The following ANGPT2 variants were observed in gnomAD, a reference collection of about 807,000 sequenced individuals.
ANGPT2 encodes the protein angiopoietin-2.
In ANGPT2, 28 loss-of-function variants were observed where a neutral mutation model predicts 62.9. The observed-to-expected ratio is 0.44, with a 90% CI of 0.33 to 0.61. The LOEUF is 0.61. Among genes scored for constraint, ANGPT2 ranks in the 20% least tolerant of loss-of-function variants. The pLI is 0.03. For synonymous variants in ANGPT2, 284 were observed against 207.8 expected, an observed-to-expected ratio of 1.37 and a Z score of -3.15; for missense variants, 727 against 594.9, an observed-to-expected ratio of 1.22 and a Z score of -2.31.
At chr8:6,518,727 G>A (rs1261696255) in intron 5 of ANGPT2, among the ~76,000 whole-genome samples, 1 of 152,102 alleles carries the variant, frequency 6.6e-6, no homozygotes, top group African/African-American at 2.4e-5. Context: ...TGTATTCTCT[G>A]TAGTTATTTG....
Position 6,502,363 on chromosome 8 carries a change from G to T in ANGPT2, c.*738C>A, listed in dbSNP as rs952404473. ...TTTAACAATCAGGCAGAAAAAAATAGTACGGTCTGCATATAAACTAAAATG... is the reference window on the plus strand; with the variant it reads ...TTTAACAATCAGGCAGAAAAAAATATTACGGTCTGCATATAAACTAAAATG... On this transcript the variant is annotated 3_prime_UTR_variant, in exon 9 of 9. Coordinates refer to ENST00000629816, the MANE Select transcript of ANGPT2 (RefSeq NM_001118887.2). 15 of 152,120 alleles carry T rather than the reference G, an allele frequency of 9.9e-5. No homozygotes were observed. The highest frequency in any genetic ancestry group is 3.8e-4 in the East Asian group (2 of 5,204). 9.4% of individuals were successfully genotyped at this position (152,120 alleles called of 1,614,324 possible). A position where few individuals can be genotyped will look rare whatever the true frequency, so the allele number is the denominator to read the frequency against.
intron 4 of ANGPT2, among the ~76,000 whole-genome samples, chr8:6,520,196 G>T (rs1172500646): frequency 1.3e-5 from 2 of 151,972 alleles, no homozygotes; most frequent in East Asian, 1.9e-4. Flanking sequence ...CTTACTTTTT[G>T]GTCATTAATT....
intron 2 of ANGPT2, among the ~76,000 whole-genome samples, chr8:6,529,882 G>GTTT (rs3045055): frequency 6.3e-4 from 93 of 148,712 alleles, no homozygotes; most frequent in Middle Eastern, 3.4e-3. Context: ...CACAATAGGC[G>GTTT]TTTTTTTTTT....
At chr8:6,527,738 C>A in intron 2 of ANGPT2, 62 bp from the exon 3 acceptor site, 2 of 1,446,550 alleles carry the variant, frequency 1.4e-6, no homozygotes, top group African/African-American at 1.4e-5. Context: ...TTTCTAACTT[C>A]CTTTTCATTA....
At chr8:6,519,719 C>T (rs1000299448) in intron 5 of ANGPT2, 145 bp downstream of exon 5, 16 of 966,162 alleles carry the variant, frequency 1.7e-5, no homozygotes, top group African/African-American at 1.3e-4. Flanking sequence ...GCACTCTAGG[C>T]GAGGTAGCTG....
Position 6,519,859 on chromosome 8 carries a change from C to A in ANGPT2, c.927+5G>T. ...GGAGTTAGTAAGGGGAGACGAATACCTCACCTTGATCTCTTCTGTAGAATT... is the reference window on the plus strand; with the variant it reads ...GGAGTTAGTAAGGGGAGACGAATACATCACCTTGATCTCTTCTGTAGAATT... On this transcript the variant is annotated splice_donor_5th_base_variant and intron_variant, in intron 5 of 8. Coordinates refer to ENST00000629816, the MANE Select transcript of ANGPT2 (RefSeq NM_001118887.2). The A allele has an allele frequency of 1.2e-6, 2 of 1,613,556 alleles. No individual in the cohort carries two copies. Among genetic ancestry groups the A allele is most frequent in the Non-Finnish European group, 8.5e-7 (1 of 1,179,696 alleles).
At chr8:6,506,951 G>A (rs763251482) in intron 8 of ANGPT2, among the ~76,000 whole-genome samples, 44 of 151,460 alleles carry the variant, frequency 2.9e-4, no homozygotes, top group Non-Finnish European at 5.3e-4. Context: ...AGGCTGGATT[G>A]TACTGGTGCG....
At chr8:6,507,288 A>G (rs937677012) in intron 8 of ANGPT2, among the ~76,000 whole-genome samples, 21 of 152,236 alleles carry the variant, frequency 1.4e-4, no homozygotes, top group Admixed American at 3.9e-4. Context: ...CATGTTGACC[A>G]TAGCTGTTAC....
intron 8 of ANGPT2, among the ~76,000 whole-genome samples, chr8:6,505,284 ATGTT>A (rs1813175307): frequency 3.1e-5 from 1 of 32,656 alleles, no homozygotes; most frequent in African/African-American, 1.3e-4. Flanking sequence ...ATACATATAT[ATGTT>A]ATATACATAT....
At chr8:6,539,030 TG>T (rs1554441400) in intron 1 of ANGPT2, among the ~76,000 whole-genome samples, 1 of 6,536 alleles carries the variant, frequency 1.5e-4, no homozygotes, top group Non-Finnish European at 4.6e-4. Flanking sequence ...GAGTTGGGCT[TG>T]TGTGTGTGTG....
At chr8:6,539,544 A>C (rs186417848) in intron 1 of ANGPT2, among the ~76,000 whole-genome samples, 1 of 151,934 alleles carries the variant, frequency 6.6e-6, no homozygotes, top group Non-Finnish European at 1.5e-5. Context: ...CCTGAAATGG[A>C]TCTGTTCTGA....
chr8:6,535,703 G>T (rs1030774566), intron 1 of ANGPT2, among the ~76,000 whole-genome samples: 1 of 152,290 alleles, frequency 6.6e-6, no homozygotes, highest in South Asian at 2.1e-4. Context: ...TTTGGGAGAA[G>T]AATGGAACAG....
intron 3 of ANGPT2, among the ~76,000 whole-genome samples, chr8:6,523,401 A>G (rs1193611418): frequency 6.6e-6 from 1 of 152,232 alleles, no homozygotes; most frequent in African/African-American, 2.4e-5. Flanking sequence ...ATTTCAACTT[A>G]TAAACATACA....
intron 1 of ANGPT2, among the ~76,000 whole-genome samples, chr8:6,547,782 G>A (rs149460263): frequency 6.5e-4 from 99 of 152,282 alleles, no homozygotes; most frequent in South Asian, 4.2e-4. Context: ...CTCCCATGCC[G>A]GTGGGAATGC....
chr8:6,556,013 G>C (rs1001381670), intron 1 of ANGPT2, among the ~76,000 whole-genome samples: 2 of 152,128 alleles, frequency 1.3e-5, no homozygotes, highest in African/African-American at 4.8e-5. Context: ...CTGCTGTGGG[G>C]ACTTGGTATC....
rs150282823 is a variant in ANGPT2 at position 6,561,045 on chromosome 8, C to G, written c.288+1602G>C. Among the ~76,000 whole-genome samples the G allele has an allele frequency of 7.2e-5, 11 of 152,290 alleles. No individual in the cohort carries two copies. In the South Asian group the frequency reaches 2.3e-3, roughly 32 times the overall value. On this transcript the variant is annotated intron_variant, in intron 1 of 8. Transcript: ENST00000629816. ...GGAAAGCCATTAACCATCAGCTTGA[C>G]GGTTTACAAAGAAATAGGAAGTTCA...
chr8:6,516,349 G>A (rs1816268639), intron 5 of ANGPT2, among the ~76,000 whole-genome samples: 1 of 152,138 alleles, frequency 6.6e-6, no homozygotes, highest in Non-Finnish European at 1.5e-5. Context: ...ATTTTTGAAA[G>A]GAGAAAAGAT....
intron 1 of ANGPT2, among the ~76,000 whole-genome samples, chr8:6,534,294 A>T (rs1356050668): frequency 6.6e-6 from 1 of 152,232 alleles, no homozygotes; most frequent in African/African-American, 2.4e-5. Context: ...ACATTGTGTT[A>T]GGTATTCTAA....
At chr8:6,507,047 G>A (rs1303717560) in intron 8 of ANGPT2, among the ~76,000 whole-genome samples, 2 of 151,976 alleles carry the variant, frequency 1.3e-5, no homozygotes, top group South Asian at 4.1e-4. Flanking sequence ...ACAGGCGTAT[G>A]CCACCACGCC....
Sources: allele counts gnomAD v4.1 joint callset (sites outside exome capture counted in the v4.1 genomes callset), GRCh38; gene constraint gnomAD v4.1.1; transcripts MANE v1.5; gene names NCBI Gene and HGNC (gene_info 2026-07-23, HGNC 2026-07-21).